The following SLC39A6 variants were observed in gnomAD, a reference collection of about 807,000 sequenced individuals.
The protein encoded by SLC39A6 is zinc transporter ZIP6.
In SLC39A6, 51 loss-of-function variants were observed where a neutral mutation model predicts 63.5. The ratio of observed to expected loss-of-function variants is 0.80; its 90% CI spans 0.64 to 1.01. SLC39A6 has a LOEUF of 1.01. Ranked by LOEUF, SLC39A6 falls within the 50% of genes least tolerant of loss-of-function variation. The pLI is 0.00. For missense variants in SLC39A6, 805 were observed against 927.8 expected, an observed-to-expected ratio of 0.87 and a Z score of 1.72; for synonymous variants, 318 against 324.7, an observed-to-expected ratio of 0.98 and a Z score of 0.22.
chr18:36,113,201 C>G (rs1598705462), intron 7 of SLC39A6, among the ~76,000 whole-genome samples: 1 of 151,906 alleles, frequency 6.6e-6, no homozygotes, highest in South Asian at 2.1e-4. Flanking sequence ...CTCAAGCGTT[C>G]CATCTACCTC....
rs1359030481 is a variant in SLC39A6 at position 36,129,296 on chromosome 18, C to G, written c.-192G>C. On this transcript the variant is annotated 5_prime_UTR_variant, in exon 1 of 10. Coordinates refer to ENST00000269187, the MANE Select transcript of SLC39A6 (RefSeq NM_012319.4). ...CCGGGGGCAGCGCCGCGCAGCCACCCGGCAGCCGCGCCCCTAGCCTTCGCG... is the reference window on the plus strand; with the variant it reads ...CCGGGGGCAGCGCCGCGCAGCCACCGGGCAGCCGCGCCCCTAGCCTTCGCG... 1.3e-5 allele frequency: 2 copies of G among 159,582 alleles called. No homozygotes were observed. Among genetic ancestry groups the G allele is most frequent in the African/African-American group, 4.8e-5 (2 of 41,468 alleles). 9.9% of individuals were successfully genotyped at this position (159,582 alleles called of 1,614,324 possible). A position where few individuals can be genotyped will look rare whatever the true frequency, so the allele number is the denominator to read the frequency against.
intron 7 of SLC39A6, among the ~76,000 whole-genome samples, chr18:36,113,112 A>G (rs2089314561): frequency 6.6e-6 from 1 of 150,718 alleles, no homozygotes. Context: ...TTTTTTTTTC[A>G]GAGACAGGGT....
At chr18:36,122,023 T>C (rs775664100) in intron 5 of SLC39A6, 29 bp downstream of exon 5, 2 of 1,449,684 alleles carry the variant, frequency 1.4e-6, no homozygotes, top group Non-Finnish European at 9.6e-7. Flanking sequence ...ATCTGAAGCA[T>C]AGTAAGTACT....
At position 36,114,126 on chromosome 18, in the gene SLC39A6, A is replaced by T; in HGVS notation, c.1814T>A (p.Leu605Gln). ...TGCTAGGCCATCGCTGAAATTGTGC[A>T]GGCCATCACCCATTATCACCATCCA... ...LAWMVIMGDG[L>Q]HNFSDGLAIG... is the part of the protein sequence containing the mutation. The change falls in exon 7 of 10, where the codon CTG (leucine) becomes CAG (glutamine). Residue 605 changes from leucine to glutamine, a missense_variant. By Grantham distance (113) the Leu-to-Gln change is moderately radical. Coordinates refer to ENST00000269187, the MANE Select transcript of SLC39A6 (RefSeq NM_012319.4). The T allele has an allele frequency of 6.2e-7, 1 of 1,609,586 alleles. No homozygotes were observed. Among genetic ancestry groups the T allele is most frequent in the Non-Finnish European group, 8.5e-7 (1 of 1,177,212 alleles).
intron 6 of SLC39A6, among the ~76,000 whole-genome samples, chr18:36,115,441 CAA>C (rs78156263): frequency 6.0e-5 from 6 of 100,312 alleles, no homozygotes; most frequent in Admixed American, 1.1e-4. Flanking sequence ...GACTCCGTCT[CAA>C]AAAAAAAAAA....
At chr18:36,118,005 G>A (rs776022825) in intron 5 of SLC39A6, among the ~76,000 whole-genome samples, 11 of 150,928 alleles carry the variant, frequency 7.3e-5, no homozygotes, top group Non-Finnish European at 4.4e-5. Flanking sequence ...CACTCCAGCC[G>A]GGGCGACAGA....
chr18:36,119,734 A>G (rs1488187478), intron 5 of SLC39A6, among the ~76,000 whole-genome samples: 7 of 152,128 alleles, frequency 4.6e-5, no homozygotes, highest in Admixed American at 1.3e-4. Flanking sequence ...AGCTATCCTT[A>G]GCTGGGCATG....
intron 1 of SLC39A6, among the ~76,000 whole-genome samples, chr18:36,128,177 G>A (rs1308497553): frequency 1.3e-5 from 2 of 152,210 alleles, no homozygotes; most frequent in Non-Finnish European, 2.9e-5. Flanking sequence ...CAGTTAAGCA[G>A]AGCCAGAATT....
At chr18:36,128,819 G>A (rs1017555560) in intron 1 of SLC39A6, among the ~76,000 whole-genome samples, 3 of 152,194 alleles carry the variant, frequency 2.0e-5, no homozygotes, top group African/African-American at 7.2e-5. Flanking sequence ...TCTTCTAAAA[G>A]CTTTTTATTT....
rs2089438525 is a variant in SLC39A6, at chr18:36,126,487, C to T, written c.521G>A (p.Gly174Asp). 1.2e-6 allele frequency: 2 copies of T among 1,614,140 alleles called. No homozygotes were observed. Among genetic ancestry groups the T allele is most frequent in the Non-Finnish European group, 1.7e-6 (2 of 1,180,048 alleles). ...KGAHRPEHAS[G>D]RRNVKDSVSA... ...AACACTGTCCTTGACATTCCTTCTA[C>T]CACTGGCATGTTCTGGTCGGTGAGC... Residue 174 changes from glycine (G) to aspartate (D), a missense_variant, in exon 2 of 10, where the codon GGT becomes GAT. By Grantham distance (94) the Gly-to-Asp change is moderately conservative. This residue lies in a region of SLC39A6 where 639 missense variants were observed against 644.0 expected (regional missense o/e 0.99). Transcript: ENST00000269187.
At position 36,114,271 on chromosome 18, in the gene SLC39A6, G is replaced by A; in HGVS notation, c.1669C>T (p.His557Tyr). ...AGAATATGATGGTAGTCATGATGGT[G>A]GTGAATGAGATCGTCTGACTGGCCG... is the stretch of plus-strand genomic sequence containing the variant. ...TLGQSDDLIH[H>Y]HHDYHHILHH... Residue 557 changes from histidine to tyrosine, a missense_variant, in exon 7 of 10, where the codon CAC (histidine) becomes TAC (tyrosine). Physicochemically the swap from His to Tyr is moderately conservative, Grantham distance 83. Transcript: ENST00000269187. 1 of 1,614,208 alleles carries A rather than the reference G, an allele frequency of 6.2e-7. No individual in the cohort carries two copies.
chr18:36,113,665 T>C (rs992349103), intron 7 of SLC39A6, among the ~76,000 whole-genome samples: 5 of 152,222 alleles, frequency 3.3e-5, no homozygotes, highest in Non-Finnish European at 5.9e-5. Context: ...TAATTCTTCA[T>C]AGGATAGAGA....
At position 36,112,225 on chromosome 18, in the gene SLC39A6, G is replaced by C. The variant is rs113030588; in HGVS notation, c.1924+276C>G. Among the ~76,000 whole-genome samples, 361 of 152,274 alleles carry C rather than the reference G, an allele frequency of 2.4e-3. 1 individual carries two copies. The highest frequency in any genetic ancestry group is 7.2e-3 in the African/African-American group (301 of 41,548). On this transcript the variant is annotated intron_variant, in intron 8 of 9. Transcript: ENST00000269187. ...GGTTTTAATGCCTAGTGACAAAGAA[G>C]AACAATATTGAAAACACAACTCATC...
At chr18:36,128,895 T>C (rs2089483160) in intron 1 of SLC39A6, among the ~76,000 whole-genome samples, 1 of 152,200 alleles carries the variant, frequency 6.6e-6, no homozygotes, top group Non-Finnish European at 1.5e-5. Context: ...CAAAAAATCC[T>C]CCGTTGCACC....
rs1282857998 is a variant in SLC39A6, at chr18:36,126,485, T to C, written c.523A>G (p.Arg175Gly). Residue 175 changes from arginine to glycine, a missense_variant, in exon 2 of 10, where the codon AGA (arginine) becomes GGA (glycine). Physicochemically the swap from Arg to Gly is moderately radical, Grantham distance 125. Coordinates refer to ENST00000269187, the MANE Select transcript of SLC39A6 (RefSeq NM_012319.4). ...GAHRPEHASGRRNVKDSVSAS... is the reference protein window; with the variant it reads ...GAHRPEHASGGRNVKDSVSAS... ...CTAACACTGTCCTTGACATTCCTTC[T>C]ACCACTGGCATGTTCTGGTCGGTGA... 1.9e-6 allele frequency: 3 copies of C among 1,614,150 alleles called. No individual in the cohort carries two copies. The highest frequency in any genetic ancestry group is 2.5e-6 in the Non-Finnish European group (3 of 1,180,048).
intron 3 of SLC39A6, among the ~76,000 whole-genome samples, chr18:36,123,984 T>C (rs1340612624): frequency 6.6e-6 from 1 of 152,030 alleles, no homozygotes; most frequent in Non-Finnish European, 1.5e-5. Flanking sequence ...GGAACTGAGC[T>C]TTCAGACTCC....
At chr18:36,114,901 A>T (rs1046323099) in intron 6 of SLC39A6, among the ~76,000 whole-genome samples, 2 of 152,224 alleles carry the variant, frequency 1.3e-5, no homozygotes, top group African/African-American at 4.8e-5. Context: ...TAATCCTGCC[A>T]TCTGACTTCC....
rs1034798237 is a variant in SLC39A6, at chr18:36,129,223, AC to A, written c.-120del. On this transcript the variant is annotated 5_prime_UTR_variant, in exon 1 of 10. An upstream open reading frame in the 5' UTR loses its in-frame stop. Coordinates refer to ENST00000269187, the MANE Select transcript of SLC39A6 (RefSeq NM_012319.4). ...CCACTGGTGTCTTCGAGAAATCTCTACCAGGCGCGAACACGCGGTGGTTTCA... is the reference window on the plus strand; with the variant it reads ...CCACTGGTGTCTTCGAGAAATCTCTACAGGCGCGAACACGCGGTGGTTTCA... The A allele has an allele frequency of 6.5e-6, 1 of 155,038 alleles. No individual in the cohort carries two copies. The highest frequency in any genetic ancestry group is 2.4e-5 in the African/African-American group (1 of 41,446). The allele number at this position is 155,038 out of a possible 1,614,324, so 9.6% of individuals were successfully genotyped here.
chr18:36,114,454 C>T lies in SLC39A6; in HGVS notation c.1486G>A (p.Ala496Thr). The T allele has an allele frequency of 1.2e-6, 2 of 1,612,406 alleles. No homozygotes were observed. The highest frequency in any genetic ancestry group is 1.7e-6 in the Non-Finnish European group (2 of 1,179,580). ...TDDRTEGYLR[A>T]DSQEPSHFDS... ...AAGTGGGAGGGCTCTTGTGAGTCTG[C>T]TCGTAAATAGCCTTCAGTTCCTAGG... The change falls in exon 7 of 10, where the codon GCA (alanine) becomes ACA (threonine). Residue 496 changes from alanine (A) to threonine (T), a missense_variant. By Grantham distance (58) the Ala-to-Thr change is moderately conservative. Coordinates refer to ENST00000269187, the MANE Select transcript of SLC39A6 (RefSeq NM_012319.4).
Sources: gnomAD v4.1 joint callset for allele counts (sites outside exome capture counted in the v4.1 genomes callset) on GRCh38, gnomAD v4.1.1 for gene constraint, gnomAD v4.1.1 regional missense constraint, MANE v1.5 for transcripts, NCBI Gene and HGNC (gene_info 2026-07-23, HGNC 2026-07-21) for gene names.